The following AKAP6 variants were observed in gnomAD, a reference collection of about 807,000 sequenced individuals.
AKAP6 encodes the protein A-kinase anchor protein 6.
In AKAP6, 58 loss-of-function variants were observed where a neutral mutation model predicts 188.5. The ratio of observed to expected loss-of-function variants is 0.31; its 90% CI spans 0.25 to 0.38. AKAP6 has a LOEUF of 0.38. AKAP6 is among the 10% of genes least tolerant of loss of function. The pLI is 1.00. For missense variants in AKAP6, 2,710 were observed against 2,740.0 expected, an observed-to-expected ratio of 0.99 and a Z score of 0.24; for synonymous variants, 989 against 998.6, an observed-to-expected ratio of 0.99 and a Z score of 0.18.
At chr14:32,523,519 A>C (rs1175116626) in intron 2 of AKAP6, among the ~76,000 whole-genome samples, 1 of 150,032 alleles carries the variant, frequency 6.7e-6, no homozygotes, top group Non-Finnish European at 1.5e-5. Context: ...CCCAGGCTAG[A>C]GTGCAGTGAT....
intron 13 of AKAP6, 105 bp downstream of exon 13, chr14:32,824,920 A>G: frequency 1.2e-6 from 1 of 831,598 alleles, no homozygotes. Flanking sequence ...TACGGCAGAC[A>G]GTTATCTGAA....
intron 12 of AKAP6, among the ~76,000 whole-genome samples, chr14:32,820,656 CAGATAGAGACTGGAA>C (rs2034495975): frequency 6.6e-6 from 1 of 152,148 alleles, no homozygotes; most frequent in African/African-American, 2.4e-5. Flanking sequence ...GTCTCTGTCA[CAGATAGAGACTGGAA>C]AGAAAGGGGC....
At chr14:32,340,390 C>A (rs1199623633) in intron 1 of AKAP6, among the ~76,000 whole-genome samples, 2 of 152,116 alleles carry the variant, frequency 1.3e-5, no homozygotes, top group African/African-American at 4.8e-5. Context: ...TTTCAGAGAG[C>A]ACTGGACTGG....
At chr14:32,698,498 C>CT (rs946811433) in intron 9 of AKAP6, among the ~76,000 whole-genome samples, 1 of 151,930 alleles carries the variant, frequency 6.6e-6, no homozygotes, top group African/African-American at 2.4e-5. Flanking sequence ...CTTTATTAAC[C>CT]TTTTTTATTA....
chr14:32,824,251 A>T lies in AKAP6; in HGVS notation c.6438A>T (p.Leu2146Phe). The stretch of plus-strand genomic sequence containing the variant: ...CACTAGACACCACTGACTCGGGCTT[A>T]GATGACAAGGAAGATATTGAATGCT... Reference protein sequence around the residue: ...PLPLDTTDSGLDDKEDIECFF... With the variant: ...PLPLDTTDSGFDDKEDIECFF... The change falls in exon 13 of 14, where the codon TTA becomes TTT. Residue 2146 changes from leucine (L) to phenylalanine (F), a missense_variant. Transcript: ENST00000280979. The T allele has an allele frequency of 1.9e-6, 3 of 1,614,000 alleles. No homozygotes were observed. In the East Asian group the frequency reaches 6.7e-5, roughly 36 times the overall value.
intron 1 of AKAP6, among the ~76,000 whole-genome samples, chr14:32,401,174 G>A (rs563397613): frequency 6.6e-6 from 1 of 152,116 alleles, no homozygotes; most frequent in African/African-American, 2.4e-5. Flanking sequence ...AATCTCAGGG[G>A]AGCAGAGAAG....
At chr14:32,808,240 A>T (rs79634048) in intron 12 of AKAP6, among the ~76,000 whole-genome samples, 2,263 of 152,318 alleles carry the variant, frequency 0.015, 49 homozygotes, top group African/African-American at 0.05. Context: ...AGAAAGGGTC[A>T]ATTGATTTGC....
At chr14:32,524,304 G>T (rs1882012464) in intron 2 of AKAP6, among the ~76,000 whole-genome samples, 1 of 152,146 alleles carries the variant, frequency 6.6e-6, no homozygotes, top group Non-Finnish European at 1.5e-5. Flanking sequence ...AAGCCTCTGT[G>T]ATGGAAAGGG....
At chr14:32,685,495 C>T (rs998565522) in intron 8 of AKAP6, among the ~76,000 whole-genome samples, 4 of 151,718 alleles carry the variant, frequency 2.6e-5, no homozygotes, top group Non-Finnish European at 4.4e-5. Context: ...GAGGCCGAGG[C>T]GGGCGGATCA....
chr14:32,695,304 C>T (rs912055696), intron 8 of AKAP6, among the ~76,000 whole-genome samples: 1 of 152,162 alleles, frequency 6.6e-6, no homozygotes, highest in African/African-American at 2.4e-5. Context: ...TCAAGCCTAT[C>T]TCTGAGTGTT....
intron 1 of AKAP6, among the ~76,000 whole-genome samples, chr14:32,377,406 A>G (rs953077585): frequency 6.6e-6 from 1 of 152,094 alleles, no homozygotes; most frequent in Non-Finnish European, 1.5e-5. Context: ...TGTTTTTCCC[A>G]TGAGAATAGA....
In AKAP6 at chr14:32,786,296, A is replaced by ATGTTTTTTTTTTTTTGT; in HGVS notation, c.3588+12404_3588+12405insGTTTTTTTTTTTTTGTT. On this transcript the variant is annotated intron_variant, in intron 12 of 13. Transcript: ENST00000280979. Reference sequence around the variant, plus strand: ...AGCCCTCTGAAAGACCTAAACCTTTATCTTTTTTTTTTTTTTTTTTTTTTT... The same window carrying ATGTTTTTTTTTTTTTGT: ...AGCCCTCTGAAAGACCTAAACCTTTATGTTTTTTTTTTTTTGTTCTTTTTTTTTTTTTTTTTTTTTTT... 4.1e-4 allele frequency among the ~76,000 whole-genome samples: 38 copies of ATGTTTTTTTTTTTTTGT among 93,714 alleles called. 2 individuals are homozygous for ATGTTTTTTTTTTTTTGT. The highest frequency in any genetic ancestry group is 5.3e-4 in the African/African-American group (13 of 24,390). 61.5% of individuals were successfully genotyped at this position (93,714 alleles called of 152,430 possible).
intron 12 of AKAP6, among the ~76,000 whole-genome samples, chr14:32,786,296 A>ATGGTTTTTTTTTTTT: frequency 1.1e-5 from 1 of 93,706 alleles, no homozygotes; most frequent in African/African-American, 4.1e-5. Flanking sequence ...CTAAACCTTT[A>ATGGTTTTTTTTTTTT]TCTTTTTTTT....
intron 2 of AKAP6, among the ~76,000 whole-genome samples, chr14:32,449,169 T>C (rs1232597615): frequency 6.6e-6 from 1 of 152,146 alleles, no homozygotes; most frequent in African/African-American, 2.4e-5. Context: ...GCATTAAAAA[T>C]TAATGTCATT....
intron 11 of AKAP6, among the ~76,000 whole-genome samples, chr14:32,752,155 T>C (rs573805670): frequency 1.3e-5 from 2 of 152,342 alleles, no homozygotes; most frequent in Non-Finnish European, 2.9e-5. Flanking sequence ...AAATTGTAGA[T>C]TTTCTTCAAT....
intron 3 of AKAP6, among the ~76,000 whole-genome samples, chr14:32,542,673 A>T (rs1489786933): frequency 1.3e-5 from 2 of 152,196 alleles, no homozygotes; most frequent in Non-Finnish European, 2.9e-5. Context: ...GCCTTGAGGA[A>T]GGAGGGAACA....
At chr14:32,487,680 T>C (rs1028927610) in intron 2 of AKAP6, among the ~76,000 whole-genome samples, 4 of 152,264 alleles carry the variant, frequency 2.6e-5, no homozygotes. Context: ...TTCATGGATT[T>C]ATCTACCTTT....
chr14:32,463,126 AC>A (rs1225111938), intron 2 of AKAP6, among the ~76,000 whole-genome samples: 1 of 152,044 alleles, frequency 6.6e-6, no homozygotes, highest in Non-Finnish European at 1.5e-5. Flanking sequence ...TGACAAAGAG[AC>A]TTAGACTCCC....
intron 4 of AKAP6, among the ~76,000 whole-genome samples, chr14:32,558,476 G>A (rs1490561068): frequency 6.6e-6 from 1 of 152,170 alleles, no homozygotes; most frequent in East Asian, 1.9e-4. Flanking sequence ...TACTTGATCT[G>A]GGCCTTGAAT....
Sources: allele counts gnomAD v4.1 joint callset (sites outside exome capture counted in the v4.1 genomes callset), GRCh38; gene constraint gnomAD v4.1.1; transcripts MANE v1.5; gene names NCBI Gene and HGNC (gene_info 2026-07-23, HGNC 2026-07-21).